TWSG1: variants seen among roughly 807,000 people sequenced by gnomAD.
TWSG1 encodes twisted gastrulation BMP signaling modulator 1, also known as twisted gastrulation protein homolog 1.
A neutral mutation model predicts 23.0 loss-of-function variants in TWSG1; 15 were observed. The observed-to-expected ratio is 0.65, with a 90% confidence interval of 0.44 to 1.00. The LOEUF is 1.00. TWSG1 is among the 50% of genes least tolerant of loss of function. The pLI is 0.00. For synonymous variants in TWSG1, 86 were observed against 92.8 expected, an observed-to-expected ratio of 0.93 and a Z score of 0.42; for missense variants, 242 against 278.7, an observed-to-expected ratio of 0.87 and a Z score of 0.94.
intron 2 of TWSG1, among the ~76,000 whole-genome samples, chr18:9,357,637 G>A (rs1443874531): frequency 6.6e-6 from 1 of 152,112 alleles, no homozygotes; most frequent in Non-Finnish European, 1.5e-5. Context: ...CATTCCATTA[G>A]GTCTCAGATT....
chr18:9,380,089 T>A (rs2040649322), intron 3 of TWSG1, among the ~76,000 whole-genome samples: 1 of 152,250 alleles, frequency 6.6e-6, no homozygotes, highest in Admixed American at 6.5e-5. Flanking sequence ...TTTAATTCTT[T>A]AAAATGTCAG....
intron 2 of TWSG1, 67 bp from the exon 3 acceptor site, chr18:9,359,905 C>T (rs1451913046): frequency 7.7e-7 from 1 of 1,304,256 alleles, no homozygotes. Flanking sequence ...GGGTTTTTTG[C>T]TTAAAAAGTA....
At chr18:9,357,221 C>T (rs2040531168) in intron 2 of TWSG1, among the ~76,000 whole-genome samples, 2 of 152,138 alleles carry the variant, frequency 1.3e-5, no homozygotes, top group Non-Finnish European at 1.5e-5. Context: ...GCAAAGTTAC[C>T]TAATGTCTAT....
In TWSG1 at chr18:9,389,845, C is replaced by T. The variant is rs574931897; in HGVS notation, c.224-6435C>T. On this transcript the variant is annotated intron_variant, in intron 3 of 4. Coordinates refer to ENST00000262120, the MANE Select transcript of TWSG1 (RefSeq NM_020648.6). ...ATAGCCATACCCCACGGAAATATTGCTGATTTGGTTCCAGATCACTGCAGT... is the reference window on the plus strand; with the variant it reads ...ATAGCCATACCCCACGGAAATATTGTTGATTTGGTTCCAGATCACTGCAGT... 2.0e-5 allele frequency among the ~76,000 whole-genome samples: 3 copies of T among 152,252 alleles called. No homozygotes were observed. The South Asian group carries it at 6.2e-4, about 32-fold the overall frequency.
intron 3 of TWSG1, among the ~76,000 whole-genome samples, chr18:9,368,840 C>T (rs959596830): frequency 6.6e-6 from 1 of 151,580 alleles, no homozygotes; most frequent in Admixed American, 6.6e-5. Context: ...CCCAGCTATT[C>T]GGGAGGCTGA....
intron 2 of TWSG1, among the ~76,000 whole-genome samples, chr18:9,344,251 A>G (rs2040463272): frequency 6.6e-6 from 1 of 152,160 alleles, no homozygotes; most frequent in South Asian, 2.1e-4. Context: ...CTAGGAGTAG[A>G]ATTGCTGGGC....
At chr18:9,339,860 T>G (rs1307899372) in intron 2 of TWSG1, among the ~76,000 whole-genome samples, 1 of 151,880 alleles carries the variant, frequency 6.6e-6, no homozygotes, top group African/African-American at 2.4e-5. Flanking sequence ...ACTATATCAG[T>G]GTAAAAAAAC....
chr18:9,358,098 T>C (rs932592477), intron 2 of TWSG1, among the ~76,000 whole-genome samples: 1 of 152,100 alleles, frequency 6.6e-6, no homozygotes, highest in East Asian at 1.9e-4. Flanking sequence ...TAATAGTATC[T>C]CTAAGAACAG....
chr18:9,348,969 T>TC (rs536204205), intron 2 of TWSG1, among the ~76,000 whole-genome samples: 1 of 152,196 alleles, frequency 6.6e-6, no homozygotes, highest in Non-Finnish European at 1.5e-5. Flanking sequence ...TGCAAAGCAG[T>TC]ACAGTCATTC....
chr18:9,366,343 C>T (rs1443455826), intron 3 of TWSG1, among the ~76,000 whole-genome samples: 6 of 151,990 alleles, frequency 3.9e-5, no homozygotes, highest in African/African-American at 1.2e-4. Flanking sequence ...GGGAAAGAGC[C>T]GGAAAAGGTG....
intron 2 of TWSG1, among the ~76,000 whole-genome samples, chr18:9,355,417 T>G (rs939029407): frequency 2.6e-5 from 4 of 152,186 alleles, no homozygotes; most frequent in Non-Finnish European, 5.9e-5. Flanking sequence ...TTACAAATGT[T>G]ATTATATTTA....
chr18:9,361,701 C>T (rs1488274806), intron 3 of TWSG1, among the ~76,000 whole-genome samples: 2 of 152,228 alleles, frequency 1.3e-5, no homozygotes, highest in African/African-American at 4.8e-5. Flanking sequence ...AGTAAGCATA[C>T]TTTTATTTAC....
intron 3 of TWSG1, among the ~76,000 whole-genome samples, chr18:9,395,886 A>G (rs550017567): frequency 6.6e-6 from 1 of 152,236 alleles, no homozygotes; most frequent in Admixed American, 6.5e-5. Flanking sequence ...TTTAATGCTC[A>G]AATTGTCTAT....
intron 3 of TWSG1, among the ~76,000 whole-genome samples, chr18:9,381,779 T>G (rs902296223): frequency 3.9e-5 from 6 of 152,156 alleles, no homozygotes; most frequent in Non-Finnish European, 7.4e-5. Context: ...GAGGTATATA[T>G]TTTTCAACCT....
At chr18:9,384,365 G>C (rs7239225) in intron 3 of TWSG1, among the ~76,000 whole-genome samples, 72,150 of 151,994 alleles carry the variant, frequency 0.47, 18,140 homozygotes, top group East Asian at 0.71. Context: ...TAGGAAGTTG[G>C]ATACAAATAT....
chr18:9,346,392 T>C (rs1055815950), intron 2 of TWSG1, among the ~76,000 whole-genome samples: 1 of 152,244 alleles, frequency 6.6e-6, no homozygotes. Context: ...TGATTAATAT[T>C]GCACTCACTG....
intron 2 of TWSG1, among the ~76,000 whole-genome samples, chr18:9,342,193 G>A (rs141539524): frequency 6.6e-6 from 1 of 152,308 alleles, no homozygotes; most frequent in African/African-American, 2.4e-5. Context: ...TTTGGATCCA[G>A]TTCTGCCACT....
At chr18:9,390,847 AC>A (rs1366317680) in intron 3 of TWSG1, among the ~76,000 whole-genome samples, 2 of 152,148 alleles carry the variant, frequency 1.3e-5, no homozygotes, top group Non-Finnish European at 2.9e-5. Context: ...CCCCATCTCT[AC>A]AAAAAATGGA....
intron 2 of TWSG1, among the ~76,000 whole-genome samples, chr18:9,352,164 A>G (rs2040505147): frequency 6.6e-6 from 1 of 152,106 alleles, no homozygotes; most frequent in Non-Finnish European, 1.5e-5. Context: ...AATGTTATAT[A>G]AAAGGAATCA....
Sources: allele counts gnomAD v4.1 joint callset (sites outside exome capture counted in the v4.1 genomes callset), GRCh38; gene constraint gnomAD v4.1.1; transcripts MANE v1.5; gene names NCBI Gene and HGNC (gene_info 2026-07-23, HGNC 2026-07-21).